SBNO1: variants seen among roughly 807,000 people sequenced by gnomAD.
SBNO1 encodes the protein strawberry notch homolog 1.
A neutral mutation model predicts 173.6 loss-of-function variants in SBNO1; 23 were observed. That is an observed-to-expected ratio of 0.13 (90% CI 0.10 to 0.19). SBNO1 has a LOEUF of 0.19. Among genes scored for constraint, SBNO1 ranks in the 10% least tolerant of loss-of-function variants. SBNO1 has a pLI of 1.00. For synonymous variants in SBNO1, 632 were observed against 571.5 expected (o/e 1.11, Z -1.51); for missense variants, 1,238 against 1,671.2 (o/e 0.74, Z 4.52).
chr12:123,364,175 G>A, intron 1 of SBNO1: 1 of 985,558 alleles, frequency 1.0e-6, no homozygotes, highest in South Asian at 4.7e-5. Flanking sequence ...GCATGTACGA[G>A]ACCGCGCTGT....
chr12:123,353,438 ATTATT>A (rs1159524704), intron 1 of SBNO1, among the ~76,000 whole-genome samples: 1 of 152,184 alleles, frequency 6.6e-6, no homozygotes. Context: ...ACGATGTTTC[ATTATT>A]TTATTTCAAA....
intron 21 of SBNO1, 36 bp downstream of exon 21, chr12:123,317,185 T>C (rs745681942): frequency 2.5e-5 from 40 of 1,609,654 alleles, no homozygotes; most frequent in Non-Finnish European, 3.1e-5. Context: ...GATTCCTAGC[T>C]ATCCATTAAG....
chr12:123,358,765 AAAGAAG>A (rs1296699329), intron 1 of SBNO1, among the ~76,000 whole-genome samples: 2 of 56,544 alleles, frequency 3.5e-5, no homozygotes, highest in Non-Finnish European at 4.0e-5. Flanking sequence ...AAAAAAAAAA[AAAGAAG>A]AAGAAAAATG....
chr12:123,350,592 A>T, intron 1 of SBNO1, 151 bp from the exon 2 acceptor site: 1 of 681,188 alleles, frequency 1.5e-6, no homozygotes, highest in Non-Finnish European at 2.5e-6. Context: ...AGAGGATAAA[A>T]GAGAAATAGT....
intron 1 of SBNO1, chr12:123,364,221 G>C: frequency 1.0e-6 from 1 of 985,638 alleles, no homozygotes; most frequent in South Asian, 4.7e-5. Context: ...CGCGTCGCCT[G>C]CCTCCCTCCC....
Position 123,304,666 on chromosome 12 carries a change from C to A in SBNO1, c.3684G>T (p.Lys1228Asn). The A allele has an allele frequency of 6.4e-7, 1 of 1,565,516 alleles. No homozygotes were observed. Among genetic ancestry groups the A allele is most frequent in the Non-Finnish European group, 8.8e-7 (1 of 1,138,012 alleles). ...TTGGTCGATAAACTAAGAAAAGTTTCTTTTTAGGATTCACTTCTTTAACTA... is the reference window on the plus strand; with the variant it reads ...TTGGTCGATAAACTAAGAAAAGTTTATTTTTAGGATTCACTTCTTTAACTA... ...AILVKEVNPK[K>N]KLFLVYRPNT... is the part of the protein sequence containing the mutation. Residue 1228 changes from lysine to asparagine, a missense_variant, in exon 29 of 32, where the codon AAG becomes AAT. Transcript: ENST00000602398.
intron 5 of SBNO1, among the ~76,000 whole-genome samples, chr12:123,340,567 G>GT (rs1268726700): frequency 9.4e-6 from 1 of 106,400 alleles, no homozygotes; most frequent in African/African-American, 3.9e-5. Context: ...GGCGATAAGA[G>GT]TAAGACTCTG....
intron 7 of SBNO1, among the ~76,000 whole-genome samples, chr12:123,333,381 A>G (rs2139012230): frequency 6.6e-6 from 1 of 152,272 alleles, no homozygotes; most frequent in Admixed American, 6.5e-5. Context: ...TGGATGCTCA[A>G]ATCTTTTCCA....
intron 1 of SBNO1, among the ~76,000 whole-genome samples, chr12:123,352,901 A>G (rs1874050568): frequency 6.6e-6 from 1 of 152,018 alleles, no homozygotes; most frequent in Non-Finnish European, 1.5e-5. Context: ...AGGTTCAAGA[A>G]ATTCTCCTGC....
intron 26 of SBNO1, 33 bp downstream of exon 26, chr12:123,309,677 G>A (rs369861369): frequency 1.2e-5 from 19 of 1,608,304 alleles, no homozygotes; most frequent in Non-Finnish European, 1.4e-5. Flanking sequence ...TTTTCCCTGG[G>A]GACATTGTGG....
At chr12:123,324,345 A>T (rs1870355463) in intron 15 of SBNO1, among the ~76,000 whole-genome samples, 1 of 135,144 alleles carries the variant, frequency 7.4e-6, no homozygotes, top group South Asian at 2.3e-4. Flanking sequence ...TTTTTTTGAG[A>T]CCGAGTCTCT....
chr12:123,329,542 C>T (rs1480020253), intron 9 of SBNO1, among the ~76,000 whole-genome samples: 3 of 151,974 alleles, frequency 2.0e-5, no homozygotes, highest in South Asian at 2.1e-4. Context: ...ATTTCTGATA[C>T]ATAAGAATTA....
Position 123,331,469 on chromosome 12 carries a change from TTTTTTGTTTTGTA to T in SBNO1, c.910-107_910-95del, listed in dbSNP as rs1450646210. 91 of 669,002 alleles carry T rather than the reference TTTTTTGTTTTGTA, an allele frequency of 1.4e-4. No individual in the cohort carries two copies. In the African/African-American group the frequency reaches 1.7e-3, roughly 12 times the overall value. 41.4% of individuals were successfully genotyped at this position (669,002 alleles called of 1,614,324 possible). A position where few individuals can be genotyped will look rare whatever the true frequency, so the allele number is the denominator to read the frequency against. ...GTTTTAGGAGTAGGAATATGTTATG[TTTTTTGTTTTGTA>T]TATGTATTTTGTGACTTTATTTTTA... On this transcript the variant is annotated intron_variant, in intron 7 of 31. Coordinates refer to ENST00000602398, the MANE Select transcript of SBNO1 (RefSeq NM_001167856.3).
At chr12:123,319,767 A>G in intron 20 of SBNO1, 133 bp downstream of exon 20, 2 of 752,596 alleles carry the variant, frequency 2.7e-6, no homozygotes, top group East Asian at 2.6e-5. Flanking sequence ...CAGTATGTAC[A>G]ATTACTAAAA....
In SBNO1 at chr12:123,340,796, G is replaced by C. The variant is rs1294890119; in HGVS notation, c.651+192C>G. On this transcript the variant is annotated intron_variant, in intron 5 of 31. Transcript: ENST00000602398. Reference sequence around the variant, plus strand: ...TGTTAGTGCCACACTCCATCAATCTGCAAGTTTTAACCACCCTGGTTAGTA... The same window carrying C: ...TGTTAGTGCCACACTCCATCAATCTCCAAGTTTTAACCACCCTGGTTAGTA... Among the ~76,000 whole-genome samples the C allele has an allele frequency of 2.0e-5, 3 of 152,038 alleles. No individual in the cohort carries two copies. The East Asian group carries it at 5.8e-4, about 29-fold the overall frequency.
intron 5 of SBNO1, among the ~76,000 whole-genome samples, chr12:123,339,373 T>A (rs1447699195): frequency 6.6e-6 from 1 of 152,036 alleles, no homozygotes; most frequent in African/African-American, 2.4e-5. Flanking sequence ...CTCTTTTGCC[T>A]ACTCCTACTC....
At chr12:123,311,730 A>C (rs201534148) in intron 24 of SBNO1, among the ~76,000 whole-genome samples, 5,733 of 121,960 alleles carry the variant, frequency 0.047, 132 homozygotes, top group East Asian at 0.13. Context: ...CTATATATAT[A>C]TATATATATA....
intron 3 of SBNO1, among the ~76,000 whole-genome samples, chr12:123,347,729 T>C (rs1437979958): frequency 6.6e-6 from 1 of 151,712 alleles, no homozygotes; most frequent in Non-Finnish European, 1.5e-5. Context: ...GAGATGGAGT[T>C]TCACCATGTT....
At chr12:123,325,863 G>A (rs1870553024) in intron 14 of SBNO1, among the ~76,000 whole-genome samples, 1 of 152,106 alleles carries the variant, frequency 6.6e-6, no homozygotes, top group South Asian at 2.1e-4. Context: ...TATGCTTTAA[G>A]TAGATAAATA....
Sources: allele counts gnomAD v4.1 joint callset (sites outside exome capture counted in the v4.1 genomes callset), GRCh38; gene constraint gnomAD v4.1.1; transcripts MANE v1.5; gene names NCBI Gene and HGNC (gene_info 2026-07-23, HGNC 2026-07-21).